The following LRRC8D variants were observed in gnomAD, a reference collection of about 807,000 sequenced individuals.
LRRC8D encodes leucine rich repeat containing 8 VRAC subunit D, also known as volume-regulated anion channel subunit LRRC8D.
LRRC8D carries 20 observed loss-of-function variants against 55.8 expected under a neutral mutation model. That is an observed-to-expected ratio of 0.36 (90% CI 0.25 to 0.52). The LOEUF is 0.52. LRRC8D is among the 20% of genes least tolerant of loss of function. The probability of loss-of-function intolerance (pLI) is 0.93; values close to 1 mark genes in which losing one functional copy is unlikely to be tolerated. For missense variants in LRRC8D, 651 were observed against 1,030.8 expected (o/e 0.63, Z 5.05); for synonymous variants, 352 against 377.0 (o/e 0.93, Z 0.77).
chr1:89,859,519 T>C (rs923843294), intron 2 of LRRC8D, among the ~76,000 whole-genome samples: 2 of 152,158 alleles, frequency 1.3e-5, no homozygotes, highest in Non-Finnish European at 2.9e-5. Flanking sequence ...GGGTTAAGGA[T>C]TGTGAATGGG....
chr1:89,900,347 G>A (rs1478760755), intron 2 of LRRC8D, among the ~76,000 whole-genome samples: 1 of 151,532 alleles, frequency 6.6e-6, no homozygotes, highest in East Asian at 1.9e-4. Flanking sequence ...ATGACTTTTG[G>A]GTACAGTGCA....
At chr1:89,879,013 G>T (rs963648425) in intron 2 of LRRC8D, among the ~76,000 whole-genome samples, 2 of 151,082 alleles carry the variant, frequency 1.3e-5, no homozygotes, top group African/African-American at 4.9e-5. Context: ...GCCCATGAAG[G>T]ACTGGATTGC....
chr1:89,878,483 C>CT (rs1662200817), intron 2 of LRRC8D, among the ~76,000 whole-genome samples: 1 of 152,186 alleles, frequency 6.6e-6, no homozygotes, highest in Non-Finnish European at 1.5e-5. Flanking sequence ...TGTTGGTTGT[C>CT]TTTTCTAATT....
intron 2 of LRRC8D, among the ~76,000 whole-genome samples, chr1:89,899,296 C>G (rs1395296105): frequency 6.6e-6 from 1 of 152,164 alleles, no homozygotes; most frequent in East Asian, 1.9e-4. Context: ...CATGGAGGGT[C>G]AAAGTTACAA....
At chr1:89,924,423 C>T (rs1663502487) in intron 2 of LRRC8D, among the ~76,000 whole-genome samples, 1 of 152,206 alleles carries the variant, frequency 6.6e-6, no homozygotes, top group African/African-American at 2.4e-5. Context: ...ACACCAGATG[C>T]TGGCAAGGTT....
intron 2 of LRRC8D, among the ~76,000 whole-genome samples, chr1:89,880,375 T>A (rs1184189512): frequency 6.6e-6 from 1 of 152,016 alleles, no homozygotes; most frequent in Non-Finnish European, 1.5e-5. Flanking sequence ...GAGCTTTAGA[T>A]TTCAGTGCTA....
rs376586373 is a variant in LRRC8D at position 89,895,472 on chromosome 1, A to G, written c.-2-37595A>G. Among the ~76,000 whole-genome samples, 29 of 150,522 alleles carry G rather than the reference A, an allele frequency of 1.9e-4. No homozygotes were observed. The South Asian group carries it at 5.7e-3, about 30-fold the overall frequency. ...TGTGCAAACTCAAAACACTGTGTGTAAATATATGTGTAATAATTTTTTTTC... is the reference window on the plus strand; with the variant it reads ...TGTGCAAACTCAAAACACTGTGTGTGAATATATGTGTAATAATTTTTTTTC... On this transcript the variant is annotated intron_variant, in intron 2 of 2. Coordinates refer to ENST00000337338, the MANE Select transcript of LRRC8D (RefSeq NM_001134479.2).
intron 2 of LRRC8D, among the ~76,000 whole-genome samples, chr1:89,860,080 A>G (rs752737736): frequency 3.3e-5 from 5 of 152,216 alleles, no homozygotes; most frequent in Non-Finnish European, 7.3e-5. Flanking sequence ...TAAAAGCCAG[A>G]TAGTTTGTTT....
intron 2 of LRRC8D, among the ~76,000 whole-genome samples, chr1:89,851,453 T>G (rs1344930280): frequency 6.6e-6 from 1 of 152,200 alleles, no homozygotes; most frequent in African/African-American, 2.4e-5. Flanking sequence ...CTTTATTTGG[T>G]AAGTGGGTGT....
chr1:89,858,701 T>C (rs1186491836), intron 2 of LRRC8D, among the ~76,000 whole-genome samples: 1 of 151,994 alleles, frequency 6.6e-6, no homozygotes, highest in Non-Finnish European at 1.5e-5. Flanking sequence ...CCTTACTTGC[T>C]GCATCAAAGT....
intron 2 of LRRC8D, among the ~76,000 whole-genome samples, chr1:89,920,698 A>G (rs56324782): frequency 4.3e-4 from 49 of 112,910 alleles, no homozygotes; most frequent in East Asian, 1.8e-3. Flanking sequence ...GCCTATTGGG[A>G]AAAAAAAAAA....
Position 89,821,121 on chromosome 1 carries a change from C to T in LRRC8D, c.-318C>T, listed in dbSNP as rs1392299819. On this transcript the variant is annotated 5_prime_UTR_variant, in exon 1 of 3. Transcript: ENST00000337338. ...GCCGCCCGTGGTGCCCCGGCTCCTC[C>T]GCCGCGCTTCGAGGTGGCAGCCGCG... 1 of 152,904 alleles carries T rather than the reference C, an allele frequency of 6.5e-6. No individual in the cohort carries two copies. The highest frequency in any genetic ancestry group is 2.4e-5 in the African/African-American group (1 of 41,404). 9.5% of individuals were successfully genotyped at this position (152,904 alleles called of 1,614,324 possible).
In LRRC8D at chr1:89,911,920, G is replaced by A. The variant is rs572356332; in HGVS notation, c.-2-21147G>A. Among the ~76,000 whole-genome samples, 1 of 152,150 alleles carries A rather than the reference G, an allele frequency of 6.6e-6. No homozygotes were observed. The highest frequency in any genetic ancestry group is 2.4e-5 in the African/African-American group (1 of 41,496). On this transcript the variant is annotated intron_variant, in intron 2 of 2. Coordinates refer to ENST00000337338, the MANE Select transcript of LRRC8D (RefSeq NM_001134479.2). The surrounding 1 kb of genome is among the most constrained non-coding windows in gnomAD (Gnocchi z 4.0). ...CCCACCCTTCTTCCTCTCCTCTGCT[G>A]AATGCTTTTCTTCTCCCAGTTCCCT...
At chr1:89,831,327 A>T (rs1051816290) in intron 1 of LRRC8D, among the ~76,000 whole-genome samples, 9 of 152,232 alleles carry the variant, frequency 5.9e-5, no homozygotes, top group African/African-American at 2.2e-4. Flanking sequence ...TACTTTAATG[A>T]TAACAATTTC....
At chr1:89,833,996 G>A (rs1286479173) in intron 1 of LRRC8D, among the ~76,000 whole-genome samples, 5 of 152,162 alleles carry the variant, frequency 3.3e-5, no homozygotes, top group East Asian at 1.9e-4. Flanking sequence ...TCTGGGCAGC[G>A]ACACTGTGGC....
intron 2 of LRRC8D, among the ~76,000 whole-genome samples, chr1:89,892,558 G>A (rs1346641471): frequency 2.6e-5 from 4 of 151,328 alleles, no homozygotes; most frequent in African/African-American, 7.3e-5. Flanking sequence ...TCGCTCTGTC[G>A]CCCAGGCTGG....
intron 1 of LRRC8D, among the ~76,000 whole-genome samples, chr1:89,821,730 G>A (rs1192528368): frequency 6.6e-6 from 1 of 152,048 alleles, no homozygotes; most frequent in Non-Finnish European, 1.5e-5. Flanking sequence ...GTCCAAAGGT[G>A]AGCCCTTTAA....
At chr1:89,904,328 G>A (rs1351353678) in intron 2 of LRRC8D, among the ~76,000 whole-genome samples, 2 of 152,210 alleles carry the variant, frequency 1.3e-5, no homozygotes, top group African/African-American at 4.8e-5. Context: ...GGCTCTTTTT[G>A]GAGTTAATGG....
chr1:89,842,214 G>GAA (rs55785953), intron 1 of LRRC8D, among the ~76,000 whole-genome samples: 24,693 of 130,196 alleles, frequency 0.19, 2,911 homozygotes, highest in Non-Finnish European at 0.25. Context: ...CTCTGTCTCA[G>GAA]AAAAAAAAAA....
Sources: gnomAD v4.1 joint callset for allele counts (sites outside exome capture counted in the v4.1 genomes callset) on GRCh38, gnomAD v4.1.1 for gene constraint, Gnocchi (gnomAD v3.1) non-coding constraint, MANE v1.5 for transcripts, NCBI Gene and HGNC (gene_info 2026-07-23, HGNC 2026-07-21) for gene names.